Variants in KCNJ3 observed in about 807,000 individuals in gnomAD.
KCNJ3 encodes the protein potassium inwardly rectifying channel subfamily J member 3.
In KCNJ3, 4 loss-of-function variants were observed where a neutral mutation model predicts 39.2. The ratio of observed to expected loss-of-function variants is 0.10; its 90% CI spans 0.05 to 0.23. The LOEUF (loss-of-function observed/expected upper bound fraction) is 0.23, where lower values mean the gene tolerates loss of function less well. Among genes scored for constraint, KCNJ3 ranks in the 10% least tolerant of loss-of-function variants. KCNJ3 has a pLI of 1.00. For synonymous variants in KCNJ3, 230 were observed against 237.4 expected, an observed-to-expected ratio of 0.97 and a Z score of 0.29; for missense variants, 276 against 634.9, an observed-to-expected ratio of 0.43 and a Z score of 6.08.
At chr2:154,825,020 G>T (rs2105113447) in intron 2 of KCNJ3, among the ~76,000 whole-genome samples, 1 of 152,282 alleles carries the variant, frequency 6.6e-6, no homozygotes, top group Non-Finnish European at 1.5e-5. Flanking sequence ...ATAAATACTT[G>T]CTTATTTACT....
At chr2:154,846,724 T>TTATC (rs1687668914) in intron 2 of KCNJ3, among the ~76,000 whole-genome samples, 1 of 152,202 alleles carries the variant, frequency 6.6e-6, no homozygotes, top group Admixed American at 6.5e-5. Flanking sequence ...GCATCTGCAC[T>TTATC]TATCTTCCTT....
chr2:154,773,826 T>G (rs1321759521), intron 2 of KCNJ3, among the ~76,000 whole-genome samples: 1 of 152,164 alleles, frequency 6.6e-6, no homozygotes, highest in Non-Finnish European at 1.5e-5. Flanking sequence ...GTGTAGTCAT[T>G]ATGAGATGTT....
chr2:154,757,398 A>G (rs538704746), intron 2 of KCNJ3, among the ~76,000 whole-genome samples: 3 of 152,278 alleles, frequency 2.0e-5, no homozygotes, highest in African/African-American at 7.2e-5. Flanking sequence ...TAGAGTATCA[A>G]AAGGAGGAAT....
chr2:154,769,265 A>T (rs946775279), intron 2 of KCNJ3, among the ~76,000 whole-genome samples: 1 of 152,164 alleles, frequency 6.6e-6, no homozygotes, highest in Non-Finnish European at 1.5e-5. Context: ...GTCTTGTGCC[A>T]GTTGTCAAAG....
intron 2 of KCNJ3, among the ~76,000 whole-genome samples, chr2:154,777,648 T>A (rs1364777896): frequency 2.6e-5 from 4 of 152,220 alleles, no homozygotes; most frequent in African/African-American, 9.6e-5. Flanking sequence ...ACCCCCACTG[T>A]GTGGTATATC....
chr2:154,853,159 A>G (rs73009156), intron 2 of KCNJ3, among the ~76,000 whole-genome samples: 1,735 of 151,312 alleles, frequency 0.011, 33 homozygotes, highest in African/African-American at 0.04. Context: ...AAAAAAAAAG[A>G]GGGAAGAAGA....
intron 2 of KCNJ3, among the ~76,000 whole-genome samples, chr2:154,723,545 G>T (rs1180503811): frequency 6.6e-6 from 1 of 152,068 alleles, no homozygotes; most frequent in African/African-American, 2.4e-5. Flanking sequence ...TTGTATTTAA[G>T]GTCTTTGGGT....
At chr2:154,835,506 A>ATG in intron 2 of KCNJ3, among the ~76,000 whole-genome samples, 1 of 146,272 alleles carries the variant, frequency 6.8e-6, no homozygotes, top group African/African-American at 2.5e-5. Context: ...AATATATATC[A>ATG]AAATATATAT....
chr2:154,781,889 A>G (rs1489516179), intron 2 of KCNJ3, among the ~76,000 whole-genome samples: 1 of 152,170 alleles, frequency 6.6e-6, no homozygotes, highest in Non-Finnish European at 1.5e-5. Flanking sequence ...ATATAATTAC[A>G]TTTATTCAGT....
At chr2:154,713,530 A>G (rs989537263) in intron 2 of KCNJ3, among the ~76,000 whole-genome samples, 1 of 152,064 alleles carries the variant, frequency 6.6e-6, no homozygotes, top group African/African-American at 2.4e-5. Flanking sequence ...TTTTCTTGAG[A>G]GTTTCAGCTT....
intron 2 of KCNJ3, among the ~76,000 whole-genome samples, chr2:154,763,446 T>C (rs536300366): frequency 2.9e-4 from 44 of 152,228 alleles, no homozygotes; most frequent in Non-Finnish European, 2.6e-4. Flanking sequence ...TGCATTACTT[T>C]TGATGGCCTG....
intron 2 of KCNJ3, among the ~76,000 whole-genome samples, chr2:154,758,087 T>C (rs1472040146): frequency 6.6e-6 from 1 of 152,216 alleles, no homozygotes; most frequent in African/African-American, 2.4e-5. Context: ...TTCCTTTATT[T>C]CAGGCATTTT....
intron 2 of KCNJ3, among the ~76,000 whole-genome samples, chr2:154,738,868 A>C (rs1416097616): frequency 6.6e-6 from 1 of 152,120 alleles, no homozygotes; most frequent in Non-Finnish European, 1.5e-5. Context: ...CACATCGTGA[A>C]AAATTGTTAA....
At chr2:154,813,360 G>C (rs1687032776) in intron 2 of KCNJ3, among the ~76,000 whole-genome samples, 1 of 152,108 alleles carries the variant, frequency 6.6e-6, no homozygotes, top group Non-Finnish European at 1.5e-5. Context: ...GGTACCCTGA[G>C]TTCTGCTCCA....
At chr2:154,703,324 C>A (rs973886243) in intron 1 of KCNJ3, among the ~76,000 whole-genome samples, 1 of 151,988 alleles carries the variant, frequency 6.6e-6, no homozygotes, top group East Asian at 1.9e-4. Context: ...CTTTATAGTT[C>A]TATTTATTGC....
chr2:154,839,237 G>A (rs1687532834), intron 2 of KCNJ3, among the ~76,000 whole-genome samples: 1 of 152,068 alleles, frequency 6.6e-6, no homozygotes, highest in Non-Finnish European at 1.5e-5. Flanking sequence ...GGGAATGATG[G>A]TTTCTAGCTT....
intron 2 of KCNJ3, among the ~76,000 whole-genome samples, chr2:154,749,942 G>T (rs1299864776): frequency 1.3e-5 from 2 of 151,998 alleles, no homozygotes; most frequent in East Asian, 3.9e-4. Context: ...TAGCTGATTA[G>T]TGACCATAAC....
intron 2 of KCNJ3, among the ~76,000 whole-genome samples, chr2:154,829,754 A>G (rs866283810): frequency 8.5e-5 from 13 of 152,098 alleles, no homozygotes; most frequent in Non-Finnish European, 8.8e-5. Context: ...ACTAGCCTCT[A>G]TTTTTGACAG....
intron 2 of KCNJ3, among the ~76,000 whole-genome samples, chr2:154,817,232 A>G (rs1687098939): frequency 6.6e-6 from 1 of 152,204 alleles, no homozygotes. Flanking sequence ...CATGATAAGC[A>G]GTCTCAAATC....
Sources: allele counts gnomAD v4.1 joint callset (sites outside exome capture counted in the v4.1 genomes callset), GRCh38; gene constraint gnomAD v4.1.1; transcripts MANE v1.5; gene names NCBI Gene and HGNC (gene_info 2026-07-23, HGNC 2026-07-21).